The following LEMD1 variants were observed in gnomAD, a reference collection of about 807,000 sequenced individuals.
The protein encoded by LEMD1 is LEM domain containing 1.
A neutral mutation model predicts 17.4 loss-of-function variants in LEMD1; 18 were observed. The ratio of observed to expected loss-of-function variants is 1.04; its 90% confidence interval spans 0.72 to 1.54. LEMD1 has a LOEUF of 1.54. Ranked by LOEUF, LEMD1 falls within the 40% of genes most tolerant of loss-of-function variation. The pLI, the probability that LEMD1 is intolerant of heterozygous loss-of-function variation, is 0.00. For synonymous variants in LEMD1, 88 were observed against 77.8 expected, an observed-to-expected ratio of 1.13 and a Z score of -0.69; for missense variants, 195 against 210.4, an observed-to-expected ratio of 0.93 and a Z score of 0.45.
intron 5 of LEMD1, among the ~76,000 whole-genome samples, chr1:205,383,889 G>A (rs1663852753): frequency 6.6e-6 from 1 of 151,462 alleles, no homozygotes; most frequent in East Asian, 1.9e-4. Context: ...ATCTGCCTCA[G>A]CCTCCCAAAG....
At chr1:205,426,799 G>T (rs1343690316), upstream of LEMD1, among the ~76,000 whole-genome samples, 1 of 152,112 alleles carries the variant, frequency 6.6e-6, no homozygotes, top group Non-Finnish European at 1.5e-5. Context: ...AGCTGATGAT[G>T]GGTTGCCATC....
chr1:205,428,493 G>C (rs1666084758), intron 1 of LEMD1, among the ~76,000 whole-genome samples: 1 of 152,168 alleles, frequency 6.6e-6, no homozygotes, highest in Non-Finnish European at 1.5e-5. Context: ...AGCAAACGAG[G>C]TTCCTGCCCT....
chr1:205,443,830 T>G (rs1666337686), intron 1 of LEMD1, among the ~76,000 whole-genome samples: 1 of 152,104 alleles, frequency 6.6e-6, no homozygotes, highest in South Asian at 2.1e-4. Flanking sequence ...TCCAACCCAT[T>G]TCCGTATCCC....
chr1:205,408,303 C>T (rs1665218423), intron 4 of LEMD1, among the ~76,000 whole-genome samples: 1 of 149,998 alleles, frequency 6.7e-6, no homozygotes, highest in African/African-American at 2.5e-5. Flanking sequence ...GCTCTCAAAT[C>T]ATTCAGAAAG....
At chr1:205,409,774 A>AT (rs113455474) in intron 4 of LEMD1, among the ~76,000 whole-genome samples, 2,178 of 116,280 alleles carry the variant, frequency 0.019, 44 homozygotes, top group African/African-American at 0.061. Context: ...CAGTTAATTA[A>AT]TTTTTTTTTT....
rs560295311 is a variant in LEMD1, at chr1:205,448,236, C to A, written c.-39+1632G>T. The A allele has an allele frequency of 6.1e-6, 3 of 493,008 alleles. No homozygotes were observed. The highest frequency in any genetic ancestry group is 2.0e-5 in the African/African-American group (1 of 50,804). 30.5% of individuals were successfully genotyped at this position (493,008 alleles called of 1,614,324 possible). A position where few individuals can be genotyped will look rare whatever the true frequency, so the allele number is the denominator to read the frequency against. On this transcript the variant is annotated intron_variant, in intron 1 of 3. Coordinates refer to the LEMD1 transcript ENST00000367154. The surrounding 1 kb of genome is among the most constrained non-coding windows in gnomAD (Gnocchi z 4.7). Reference sequence around the variant, plus strand: ...ATGCCCCACCCCCAAGCAAAGCCTCCTTCTGGTGCCCCTTGGTGGCTGGCT... The same window carrying A: ...ATGCCCCACCCCCAAGCAAAGCCTCATTCTGGTGCCCCTTGGTGGCTGGCT...
At chr1:205,431,436 C>A (rs148741656) in intron 1 of LEMD1, among the ~76,000 whole-genome samples, 169 of 152,326 alleles carry the variant, frequency 1.1e-3, no homozygotes, top group African/African-American at 3.9e-3. Context: ...TGACTTGACC[C>A]CTGCAAAAAC....
At chr1:205,383,422 T>C (rs1663821651) in intron 5 of LEMD1, among the ~76,000 whole-genome samples, 1 of 151,936 alleles carries the variant, frequency 6.6e-6, no homozygotes, top group Non-Finnish European at 1.5e-5. Context: ...TACCTTCATA[T>C]AATGTGTAAA....
chr1:205,393,637 C>T (rs1003001768), intron 4 of LEMD1, among the ~76,000 whole-genome samples: 46 of 151,000 alleles, frequency 3.0e-4, no homozygotes, highest in African/African-American at 1.1e-3. Context: ...GATCGTGCCA[C>T]TGCACTCCAG....
At chr1:205,423,590 C>T (rs1357683272), upstream of LEMD1, among the ~76,000 whole-genome samples, 2 of 152,114 alleles carry the variant, frequency 1.3e-5, no homozygotes, top group African/African-American at 4.8e-5. Flanking sequence ...TGGGTTGCGC[C>T]CTATATTATG....
At chr1:205,420,286 G>C (rs974774032) in intron 2 of LEMD1, among the ~76,000 whole-genome samples, 169 bp downstream of exon 2, 1 of 152,144 alleles carries the variant, frequency 6.6e-6, no homozygotes, top group African/African-American at 2.4e-5. Flanking sequence ...ATCCTAATCT[G>C]TAAATAGGAT....
chr1:205,404,080 TTTCTG>T (rs1226067446), intron 4 of LEMD1, among the ~76,000 whole-genome samples: 2 of 152,230 alleles, frequency 1.3e-5, no homozygotes, highest in African/African-American at 4.8e-5. Context: ...TTTGTTATAA[TTTCTG>T]TTCTTTTACA....
At chr1:205,384,658 G>T (rs934371755) in intron 4 of LEMD1, among the ~76,000 whole-genome samples, 1 of 152,136 alleles carries the variant, frequency 6.6e-6, no homozygotes, top group Non-Finnish European at 1.5e-5. Context: ...GCTCTATTTT[G>T]CTTCTTTATT....
chr1:205,416,132 T>C (rs1242160274), intron 4 of LEMD1, 100 bp downstream of exon 4: 5 of 693,098 alleles, frequency 7.2e-6, no homozygotes, highest in Non-Finnish European at 7.2e-6. Flanking sequence ...TATAACAGAA[T>C]GTAGTGACTT....
intron 3 of LEMD1, 96 bp downstream of exon 3, chr1:205,419,134 G>A: frequency 7.0e-7 from 1 of 1,421,598 alleles, no homozygotes; most frequent in Non-Finnish European, 9.6e-7. Flanking sequence ...TATTTCACAG[G>A]TCAGGCTGCA....
At chr1:205,412,230 GC>G (rs1665486289) in intron 4 of LEMD1, among the ~76,000 whole-genome samples, 1 of 152,100 alleles carries the variant, frequency 6.6e-6, no homozygotes, top group African/African-American at 2.4e-5. Context: ...TGGTAGAAGG[GC>G]ACTTAGAGAC....
upstream of LEMD1, among the ~76,000 whole-genome samples, chr1:205,425,263 G>A (rs1453522616): frequency 5.9e-5 from 9 of 152,060 alleles, no homozygotes; most frequent in South Asian, 2.1e-4. Context: ...ATTTGGCTTC[G>A]GAATTAATTA....
chr1:205,384,098 C>A (rs1423255310), intron 5 of LEMD1, among the ~76,000 whole-genome samples, 190 bp downstream of exon 5: 7 of 152,108 alleles, frequency 4.6e-5, no homozygotes, highest in Non-Finnish European at 1.0e-4. Flanking sequence ...GGGCCTATTT[C>A]CTTATCTCTA....
chr1:205,445,537 T>G (rs1666373705), intron 1 of LEMD1, among the ~76,000 whole-genome samples: 1 of 152,242 alleles, frequency 6.6e-6, no homozygotes, highest in African/African-American at 2.4e-5. Context: ...AGACCCTAGC[T>G]TGCCAGACCA....
Sources: gnomAD v4.1 joint callset for allele counts (sites outside exome capture counted in the v4.1 genomes callset) on GRCh38, gnomAD v4.1.1 for gene constraint, Gnocchi (gnomAD v3.1) non-coding constraint, MANE v1.5 for transcripts, NCBI Gene and HGNC (gene_info 2026-07-23, HGNC 2026-07-21) for gene names.